The following CCSER1 variants were observed in gnomAD, a reference collection of about 807,000 sequenced individuals.
CCSER1 encodes serine-rich coiled-coil domain-containing protein 1.
CCSER1 carries 41 observed loss-of-function variants against 82.0 expected under a neutral mutation model. That is an observed-to-expected ratio of 0.50 (90% CI 0.39 to 0.65). The LOEUF (loss-of-function observed/expected upper bound fraction) is 0.65, where lower values mean the gene tolerates loss of function less well. CCSER1 is among the 30% of genes least tolerant of loss of function. The probability of loss-of-function intolerance (pLI) is 0.00; values close to 1 mark genes in which losing one functional copy is unlikely to be tolerated. For synonymous variants in CCSER1, 414 were observed against 383.9 expected (o/e 1.08, Z -0.92); for missense variants, 1,119 against 1,064.2 (o/e 1.05, Z -0.72).
At chr4:91,059,018 G>A (rs1050536696) in intron 9 of CCSER1, among the ~76,000 whole-genome samples, 17 of 151,660 alleles carry the variant, frequency 1.1e-4, no homozygotes, top group East Asian at 1.9e-4. Flanking sequence ...TATTTCCCAC[G>A]CAAAAATAAG....
intron 10 of CCSER1, among the ~76,000 whole-genome samples, chr4:91,418,739 C>T (rs1053664562): frequency 6.6e-6 from 1 of 151,992 alleles, no homozygotes; most frequent in Non-Finnish European, 1.5e-5. Flanking sequence ...TACCTTGATA[C>T]TTTGGTATCA....
intron 3 of CCSER1, among the ~76,000 whole-genome samples, chr4:90,387,155 T>G (rs116197617): frequency 0.015 from 2,230 of 152,254 alleles, 74 homozygotes; most frequent in African/African-American, 0.05. Flanking sequence ...CCTAGACATA[T>G]ACAAACATTT....
At chr4:91,159,663 A>G (rs1731177095) in intron 10 of CCSER1, among the ~76,000 whole-genome samples, 1 of 151,934 alleles carries the variant, frequency 6.6e-6, no homozygotes, top group African/African-American at 2.4e-5. Context: ...GTCAGAAAGA[A>G]TGTGCAGCAG....
At chr4:91,043,347 CA>C in intron 9 of CCSER1, among the ~76,000 whole-genome samples, 1 of 151,932 alleles carries the variant, frequency 6.6e-6, no homozygotes, top group Middle Eastern at 3.4e-3. Context: ...CTAGAAAGAA[CA>C]AAAGAGAAAG....
chr4:90,918,180 G>GTATTAATTAA (rs1727795217), intron 8 of CCSER1: 1 of 430,108 alleles, frequency 2.3e-6, no homozygotes, highest in Non-Finnish European at 4.6e-6. Flanking sequence ...TAACATACTA[G>GTATTAATTAA]TGTCTGTTAA....
intron 5 of CCSER1, among the ~76,000 whole-genome samples, chr4:90,493,690 A>C (rs1768471059): frequency 6.6e-6 from 1 of 152,158 alleles, no homozygotes; most frequent in Non-Finnish European, 1.5e-5. Flanking sequence ...AGGAGAAATA[A>C]AATCCTTTAC....
chr4:90,606,076 A>G (rs1784667358), intron 5 of CCSER1, among the ~76,000 whole-genome samples: 1 of 152,148 alleles, frequency 6.6e-6, no homozygotes, highest in South Asian at 2.1e-4. Context: ...TTTGAAAGAA[A>G]GTATCATTTT....
chr4:90,720,607 G>T (rs1742508013), intron 6 of CCSER1, among the ~76,000 whole-genome samples: 1 of 151,882 alleles, frequency 6.6e-6, no homozygotes, highest in African/African-American at 2.4e-5. Flanking sequence ...ATCCAAAGAG[G>T]GTAACCTAAA....
chr4:90,706,077 CTG>C (rs1739286704), intron 6 of CCSER1, among the ~76,000 whole-genome samples: 1 of 152,176 alleles, frequency 6.6e-6, no homozygotes, highest in Non-Finnish European at 1.5e-5. Context: ...ATGTTGGGAG[CTG>C]TAGACTGGAG....
intron 8 of CCSER1, among the ~76,000 whole-genome samples, chr4:90,837,508 C>T (rs1302475823): frequency 1.3e-5 from 2 of 152,012 alleles, no homozygotes; most frequent in East Asian, 3.8e-4. Context: ...GATTATAATA[C>T]CTATTTCATC....
intron 10 of CCSER1, among the ~76,000 whole-genome samples, chr4:91,227,915 A>G (rs72669298): frequency 0.13 from 19,242 of 152,052 alleles, 1,369 homozygotes; most frequent in Middle Eastern, 0.18. Flanking sequence ...TAAGTGAAGA[A>G]AAAGAAATAA....
chr4:91,416,208 A>G (rs1290893575), intron 10 of CCSER1, among the ~76,000 whole-genome samples: 2 of 152,182 alleles, frequency 1.3e-5, no homozygotes, highest in African/African-American at 4.8e-5. Flanking sequence ...GAGAGAACAC[A>G]TACAAATGGA....
intron 6 of CCSER1, among the ~76,000 whole-genome samples, chr4:90,657,345 T>C (rs12650211): frequency 0.83 from 126,457 of 152,040 alleles, 52,603 homozygotes; most frequent in East Asian, 0.91. Flanking sequence ...TTAACCTTTT[T>C]CTTTGGCTTT....
intron 5 of CCSER1, among the ~76,000 whole-genome samples, chr4:90,565,492 G>T (rs1399968298): frequency 6.6e-6 from 1 of 152,024 alleles, no homozygotes; most frequent in East Asian, 1.9e-4. Flanking sequence ...TTCCAATTTA[G>T]ATGATTTTTA....
intron 10 of CCSER1, among the ~76,000 whole-genome samples, chr4:91,295,145 CAGTG>C (rs1437255988): frequency 2.0e-5 from 3 of 151,842 alleles, no homozygotes; most frequent in Non-Finnish European, 4.4e-5. Context: ...AATATAATGA[CAGTG>C]AGAAAATATG....
chr4:90,756,738 C>T (rs1266067235), intron 7 of CCSER1, among the ~76,000 whole-genome samples: 2 of 152,272 alleles, frequency 1.3e-5, no homozygotes, highest in East Asian at 3.9e-4. Context: ...TACCAGGAGA[C>T]AAGAACCGTA....
chr4:91,246,438 G>A (rs1490479156), intron 10 of CCSER1, among the ~76,000 whole-genome samples: 2 of 152,108 alleles, frequency 1.3e-5, no homozygotes, highest in Non-Finnish European at 2.9e-5. Context: ...CTGAAGGGAA[G>A]ACAGGACGGA....
At chr4:90,191,899 T>C (rs937369914) in intron 1 of CCSER1, among the ~76,000 whole-genome samples, 3 of 152,108 alleles carry the variant, frequency 2.0e-5, no homozygotes, top group African/African-American at 7.2e-5. Context: ...TTTTCTACTA[T>C]ATACTAGAGA....
At chr4:90,604,947 A>G (rs1262167067) in intron 5 of CCSER1, among the ~76,000 whole-genome samples, 1 of 152,208 alleles carries the variant, frequency 6.6e-6, no homozygotes, top group Non-Finnish European at 1.5e-5. Flanking sequence ...GGATGGGGTC[A>G]GATAAGGGAA....
Sources: allele counts gnomAD v4.1 joint callset (sites outside exome capture counted in the v4.1 genomes callset), GRCh38; gene constraint gnomAD v4.1.1; transcripts MANE v1.5; gene names NCBI Gene and HGNC (gene_info 2026-07-23, HGNC 2026-07-21).